The following SOX5 variants were observed in gnomAD, a reference collection of about 807,000 sequenced individuals.
The protein encoded by SOX5 is transcription factor SOX-5.
In SOX5, 9 loss-of-function variants were observed where a neutral mutation model predicts 92.0. That is an observed-to-expected ratio of 0.10 (90% CI 0.06 to 0.17). SOX5 has a LOEUF of 0.17. Among genes scored for constraint, SOX5 ranks in the 10% least tolerant of loss-of-function variants. The pLI is 1.00. For missense variants in SOX5, 642 were observed against 944.5 expected, an observed-to-expected ratio of 0.68 and a Z score of 4.20; for synonymous variants, 344 against 336.3, an observed-to-expected ratio of 1.02 and a Z score of -0.25.
chr12:24,401,717 A>T (rs1285914725), intron 1 of SOX5, among the ~76,000 whole-genome samples: 4 of 103,756 alleles, frequency 3.9e-5, no homozygotes, highest in East Asian at 2.6e-4. Context: ...TTAAAAAAAA[A>T]AAAAAAAAAA....
At chr12:23,577,431 TC>T (rs1049961920) in intron 9 of SOX5, among the ~76,000 whole-genome samples, 13 of 151,876 alleles carry the variant, frequency 8.6e-5, no homozygotes, top group African/African-American at 3.1e-4. Context: ...ACTCCTGACC[TC>T]AAGTGATCTG....
chr12:24,302,395 T>G (rs142278094), intron 2 of SOX5, among the ~76,000 whole-genome samples: 139 of 152,312 alleles, frequency 9.1e-4, no homozygotes, highest in Admixed American at 3.3e-3. Context: ...GGGGAAGGGT[T>G]CTATACAAGT....
chr12:23,838,845 G>T (rs11047125), intron 3 of SOX5, among the ~76,000 whole-genome samples: 19,892 of 69,658 alleles, frequency 0.29, 2,973 homozygotes, highest in Admixed American at 0.36. Flanking sequence ...TTTTTTTTTG[G>T]GGGGGGGGGG....
intron 2 of SOX5, among the ~76,000 whole-genome samples, chr12:24,356,501 G>A (rs1954843340): frequency 6.6e-6 from 1 of 151,958 alleles, no homozygotes; most frequent in African/African-American, 2.4e-5. Context: ...TTGACAGGCT[G>A]AAATAACGAA....
chr12:24,075,277 TAAAAAAAAAA>T (rs59967372), intron 4 of SOX5, among the ~76,000 whole-genome samples: 3 of 75,790 alleles, frequency 4.0e-5, no homozygotes, highest in African/African-American at 1.8e-4. Context: ...CTCAAATTAT[TAAAAAAAAAA>T]AAAAAAAAAA....
intron 4 of SOX5, among the ~76,000 whole-genome samples, chr12:24,179,113 T>C (rs1423115043): frequency 6.6e-6 from 1 of 152,206 alleles, no homozygotes; most frequent in Non-Finnish European, 1.5e-5. Flanking sequence ...TCAAGGAAAC[T>C]AAAACATAAC....
intron 1 of SOX5, among the ~76,000 whole-genome samples, chr12:23,938,280 C>A (rs562280684): frequency 6.6e-6 from 1 of 150,908 alleles, no homozygotes; most frequent in East Asian, 1.9e-4. Context: ...TATAGAGCTC[C>A]ACATAAAAAG....
intron 6 of SOX5, among the ~76,000 whole-genome samples, chr12:23,673,915 C>G (rs1372502281): frequency 1.3e-5 from 2 of 151,888 alleles, no homozygotes; most frequent in African/African-American, 4.8e-5. Context: ...TTTATGGCAT[C>G]TGAATTACAT....
At chr12:24,389,094 T>G (rs1365111444) in intron 1 of SOX5, among the ~76,000 whole-genome samples, 1 of 152,088 alleles carries the variant, frequency 6.6e-6, no homozygotes, top group African/African-American at 2.4e-5. Context: ...CTCCTAAAGC[T>G]ATCCCTCCCC....
chr12:23,970,841 A>ATATATATATATATATAAAATT, intron 4 of SOX5, among the ~76,000 whole-genome samples: 2 of 21,878 alleles, frequency 9.1e-5, no homozygotes, highest in African/African-American at 1.2e-4. Context: ...TATATATATA[A>ATATATATATATATATAAAATT]TTTTTTTTTT....
intron 1 of SOX5, among the ~76,000 whole-genome samples, chr12:24,550,609 A>T (rs1953061421): frequency 6.6e-6 from 1 of 152,190 alleles, no homozygotes; most frequent in South Asian, 2.1e-4. Context: ...TATCGGAAAG[A>T]TTATGTTGAA....
At chr12:24,344,257 T>A (rs916243483) in intron 2 of SOX5, among the ~76,000 whole-genome samples, 1 of 129,218 alleles carries the variant, frequency 7.7e-6, no homozygotes, top group East Asian at 2.1e-4. Flanking sequence ...CACTCCATCC[T>A]GGCGACAGAG....
At chr12:23,672,268 G>C (rs1432435502) in intron 6 of SOX5, among the ~76,000 whole-genome samples, 1 of 151,970 alleles carries the variant, frequency 6.6e-6, no homozygotes, top group Non-Finnish European at 1.5e-5. Flanking sequence ...TCAGTGCCAA[G>C]CCCCAGAAAA....
At chr12:23,742,213 A>G (rs1417477754) in intron 4 of SOX5, among the ~76,000 whole-genome samples, 1 of 152,204 alleles carries the variant, frequency 6.6e-6, no homozygotes, top group African/African-American at 2.4e-5. Context: ...TTTAGGAAGT[A>G]GCAGCTATAG....
rs190563345 is a variant in SOX5 at position 24,534,391 on chromosome 12, A to G, written c.-251+27938T>C. Among the ~76,000 whole-genome samples, 100 of 152,254 alleles carry G rather than the reference A, an allele frequency of 6.6e-4. 1 individual carries two copies. Among genetic ancestry groups the G allele is most frequent in the African/African-American group, 2.3e-3 (96 of 41,554 alleles). The stretch of plus-strand genomic sequence containing the variant: ...AAGACTAATGCTTACAAAATAAATT[A>G]TAGTCAATAAAATAGGGAAGTAGAT... On this transcript the variant is annotated intron_variant, in intron 1 of 4. Transcript: ENST00000446891.
intron 1 of SOX5, among the ~76,000 whole-genome samples, chr12:23,938,546 A>G (rs2139450655): frequency 6.6e-6 from 1 of 151,220 alleles, no homozygotes; most frequent in East Asian, 1.9e-4. Flanking sequence ...ATTCTACGAA[A>G]TGATTCATTT....
chr12:24,104,684 T>C (rs1218988645), intron 4 of SOX5, among the ~76,000 whole-genome samples: 1 of 152,172 alleles, frequency 6.6e-6, no homozygotes, highest in Non-Finnish European at 1.5e-5. Flanking sequence ...GTGTGAGCCA[T>C]TTCTGGCCCC....
At chr12:23,751,739 T>C (rs1379580864) in intron 4 of SOX5, among the ~76,000 whole-genome samples, 1 of 151,922 alleles carries the variant, frequency 6.6e-6, no homozygotes, top group Non-Finnish European at 1.5e-5. Flanking sequence ...TAGAAGTGTT[T>C]GGTGTTTGCC....
chr12:23,970,658 TA>T (rs770176142), intron 4 of SOX5, among the ~76,000 whole-genome samples: 1 of 150,574 alleles, frequency 6.6e-6, no homozygotes, highest in Non-Finnish European at 1.5e-5. Context: ...GTTTTATGAA[TA>T]TACCACATTT....
Sources: gnomAD v4.1 joint callset for allele counts (sites outside exome capture counted in the v4.1 genomes callset) on GRCh38, gnomAD v4.1.1 for gene constraint, MANE v1.5 for transcripts, NCBI Gene and HGNC (gene_info 2026-07-23, HGNC 2026-07-21) for gene names.